Variants in NSUN6 observed in about 807,000 individuals in gnomAD.
The protein encoded by NSUN6 is tRNA (cytosine(72)-C(5))-methyltransferase NSUN6.
In NSUN6, 64 loss-of-function variants were observed where a neutral mutation model predicts 58.0. That is an observed-to-expected ratio of 1.10 (90% CI 0.90 to 1.36). The LOEUF is 1.36. Among genes scored for constraint, NSUN6 ranks in the 40% most tolerant of loss-of-function variants. The pLI, the probability that NSUN6 is intolerant of heterozygous loss-of-function variation, is 0.00. For synonymous variants in NSUN6, 231 were observed against 193.9 expected, an observed-to-expected ratio of 1.19 and a Z score of -1.59; for missense variants, 701 against 550.1, an observed-to-expected ratio of 1.27 and a Z score of -2.74.
chr10:18,585,516 T>G (rs560896983), intron 8 of NSUN6, among the ~76,000 whole-genome samples: 2 of 152,318 alleles, frequency 1.3e-5, no homozygotes, highest in African/African-American at 4.8e-5. Context: ...TAGATGAACC[T>G]GGAAGACATC....
intron 3 of NSUN6, among the ~76,000 whole-genome samples, chr10:18,625,938 A>T (rs1294100874): frequency 6.6e-6 from 1 of 151,970 alleles, no homozygotes; most frequent in Non-Finnish European, 1.5e-5. Context: ...AATGTCTACA[A>T]AGTGCTAAGG....
intron 3 of NSUN6, 65 bp from the exon 4 acceptor site, chr10:18,616,358 T>G: frequency 1.1e-6 from 1 of 939,416 alleles, no homozygotes; most frequent in Non-Finnish European, 1.7e-6. Context: ...ATTTTTCCCG[T>G]GTTCTATCTG....
Position 18,548,162 on chromosome 10 carries a change from G to A in NSUN6, c.1147C>T (p.Gln383Ter), listed in dbSNP as rs185141471. The change falls in exon 10 of 11, where the codon CAG becomes TAG. Residue 383 changes from glutamine to a stop codon, truncating the protein, a stop_gained. Coordinates refer to ENST00000377304, the MANE Select transcript of NSUN6 (RefSeq NM_182543.5). LOFTEE classifies it high-confidence loss of function. ...CTITLAENEEQVAWALTKFPC... is the reference protein window; with the variant it reads ...CTITLAENEE ...AATTTTGTCAGGGCCCAGGCAACCT[G>A]TTCTTCATTTTCGGCCAGTGTTATA... is the stretch of plus-strand genomic sequence containing the variant. 73 of 1,613,842 alleles carry A rather than the reference G, an allele frequency of 4.5e-5. No homozygotes were observed. The highest frequency in any genetic ancestry group is 5.5e-5 in the Non-Finnish European group (65 of 1,179,870).
At chr10:18,606,562 A>G (rs1357101127) in intron 6 of NSUN6, among the ~76,000 whole-genome samples, 2 of 152,176 alleles carry the variant, frequency 1.3e-5, no homozygotes. Flanking sequence ...AACATTCATA[A>G]CGTAGTAACA....
chr10:18,628,253 G>C (rs1214528179), intron 3 of NSUN6, among the ~76,000 whole-genome samples: 1 of 152,104 alleles, frequency 6.6e-6, no homozygotes, highest in Non-Finnish European at 1.5e-5. Context: ...AAACCCATCT[G>C]TACATCACCA....
At chr10:18,658,993 T>C (rs1230079382), upstream of NSUN6, among the ~76,000 whole-genome samples, 1 of 152,140 alleles carries the variant, frequency 6.6e-6, no homozygotes, top group African/African-American at 2.4e-5. Flanking sequence ...AAAGAAACAC[T>C]CTTCACTTCT....
chr10:18,573,801 GT>G (rs1274517450), intron 8 of NSUN6, among the ~76,000 whole-genome samples: 1 of 152,132 alleles, frequency 6.6e-6, no homozygotes, highest in Non-Finnish European at 1.5e-5. Context: ...AGAATAAGGT[GT>G]GAACAAATCG....
At chr10:18,636,400 C>T (rs1220231906) in intron 3 of NSUN6, among the ~76,000 whole-genome samples, 7 of 149,158 alleles carry the variant, frequency 4.7e-5, no homozygotes, top group Non-Finnish European at 8.9e-5. Flanking sequence ...GTGGCTGGCA[C>T]TTATAATCCT....
intron 3 of NSUN6, among the ~76,000 whole-genome samples, chr10:18,640,008 A>G (rs1462109214): frequency 6.6e-6 from 1 of 152,244 alleles, no homozygotes; most frequent in African/African-American, 2.4e-5. Context: ...GAAAAACAGG[A>G]AAAAACTAAA....
At chr10:18,565,699 C>T (rs1297578439) in intron 8 of NSUN6, among the ~76,000 whole-genome samples, 31 of 149,794 alleles carry the variant, frequency 2.1e-4, no homozygotes, top group African/African-American at 7.6e-4. Flanking sequence ...TTCCATTCCA[C>T]TCCATGCCAT....
At chr10:18,634,041 A>T (rs1191812780) in intron 3 of NSUN6, among the ~76,000 whole-genome samples, 1 of 152,228 alleles carries the variant, frequency 6.6e-6, no homozygotes, top group African/African-American at 2.4e-5. Flanking sequence ...TTCTTGAGCA[A>T]ACTGCAAATG....
chr10:18,557,516 A>G (rs1307150766), intron 8 of NSUN6, among the ~76,000 whole-genome samples: 1 of 151,096 alleles, frequency 6.6e-6, no homozygotes, highest in Non-Finnish European at 1.5e-5. Context: ...AATAGAATGG[A>G]AGGGAGAATG....
chr10:18,652,926 A>G (rs1370162640), upstream of NSUN6: 7 of 984,962 alleles, frequency 7.1e-6, no homozygotes, highest in Non-Finnish European at 8.4e-6. Context: ...GTTCTCACAA[A>G]TAAAAAGCCA....
chr10:18,619,832 T>C (rs2058538748), intron 3 of NSUN6, among the ~76,000 whole-genome samples: 1 of 152,232 alleles, frequency 6.6e-6, no homozygotes, highest in South Asian at 2.1e-4. Flanking sequence ...ATTTCAAGTT[T>C]TTATATCATT....
chr10:18,600,338 A>AT (rs1216795127), intron 6 of NSUN6, among the ~76,000 whole-genome samples: 1 of 152,206 alleles, frequency 6.6e-6, no homozygotes, highest in Non-Finnish European at 1.5e-5. Flanking sequence ...TAGAATGAAA[A>AT]AAGAGGCCGG....
intron 8 of NSUN6, among the ~76,000 whole-genome samples, chr10:18,578,735 C>T (rs2056776715): frequency 6.6e-6 from 1 of 152,134 alleles, no homozygotes; most frequent in African/African-American, 2.4e-5. Flanking sequence ...CACAACAGTT[C>T]CTTAAAGGCC....
At chr10:18,640,906 T>TC (rs1022028023) in intron 3 of NSUN6, among the ~76,000 whole-genome samples, 1 of 151,778 alleles carries the variant, frequency 6.6e-6, no homozygotes, top group African/African-American at 2.4e-5. Flanking sequence ...TCCTTTTATT[T>TC]CCCCCCTCTC....
chr10:18,645,843 G>A (rs924372606), intron 2 of NSUN6, among the ~76,000 whole-genome samples: 4 of 152,112 alleles, frequency 2.6e-5, no homozygotes, highest in Non-Finnish European at 5.9e-5. Flanking sequence ...TACAATGTTT[G>A]AAGATTCCAG....
intron 8 of NSUN6, among the ~76,000 whole-genome samples, chr10:18,568,168 A>C (rs534349697): frequency 1.8e-4 from 26 of 145,876 alleles, no homozygotes; most frequent in Non-Finnish European, 3.8e-4. Flanking sequence ...CCATTCCATT[A>C]TCCATTCTAT....
Sources: allele counts gnomAD v4.1 joint callset (sites outside exome capture counted in the v4.1 genomes callset), GRCh38; gene constraint gnomAD v4.1.1; transcripts MANE v1.5; gene names NCBI Gene and HGNC (gene_info 2026-07-23, HGNC 2026-07-21).